The following DSCAML1 variants were observed in gnomAD, a reference collection of about 807,000 sequenced individuals.
DSCAML1 encodes DS cell adhesion molecule like 1.
A neutral mutation model predicts 200.5 loss-of-function variants in DSCAML1; 38 were observed. The ratio of observed to expected loss-of-function variants is 0.19; its 90% CI spans 0.15 to 0.25. The LOEUF is 0.25. Among genes scored for constraint, DSCAML1 ranks in the 10% least tolerant of loss-of-function variants. DSCAML1 has a pLI of 1.00. For missense variants in DSCAML1, 2,223 were observed against 2,858.8 expected, an observed-to-expected ratio of 0.78 and a Z score of 5.07; for synonymous variants, 1,215 against 1,165.0, an observed-to-expected ratio of 1.04 and a Z score of -0.87.
intron 3 of DSCAML1, among the ~76,000 whole-genome samples, chr11:117,563,454 A>G (rs1198028918): frequency 6.6e-6 from 1 of 152,146 alleles, no homozygotes; most frequent in East Asian, 1.9e-4. Context: ...CTGCATTTTT[A>G]AAAAGCTGAC....
Position 117,650,700 on chromosome 11 carries a change from T to TGTGTGTGTGTGCGC in DSCAML1, c.512-118179_512-118178insGCGCACACACACAC, listed in dbSNP as rs147584706. On this transcript the variant is annotated intron_variant, in intron 3 of 32. Coordinates refer to ENST00000651296, the MANE Select transcript of DSCAML1 (RefSeq NM_020693.4). ...GTGTGTGTGTGTGTGTGTGTGTGTG[T>TGTGTGTGTGTGCGC]GCGTGTGTGTGTGTGGTGGGGATTG... Among the ~76,000 whole-genome samples, 1,227 of 147,420 alleles carry TGTGTGTGTGTGCGC rather than the reference T, an allele frequency of 8.3e-3. 11 individuals carry two copies. Among genetic ancestry groups the TGTGTGTGTGTGCGC allele is most frequent in the Non-Finnish European group, 0.012 (822 of 67,136 alleles).
chr11:117,778,776 C>T (rs1421877081), intron 2 of DSCAML1, among the ~76,000 whole-genome samples: 1 of 152,212 alleles, frequency 6.6e-6, no homozygotes, highest in Non-Finnish European at 1.5e-5. Context: ...ATCCTCCACG[C>T]TGTGGAGGCC....
At chr11:117,477,349 AGTGTGTGT>A (rs5795087) in intron 14 of DSCAML1, among the ~76,000 whole-genome samples, 18,964 of 140,102 alleles carry the variant, frequency 0.14, 1,275 homozygotes, top group South Asian at 0.22. Context: ...TGGTTCTGAA[AGTGTGTGT>A]GTGTGTGTGT....
At position 117,762,942 on chromosome 11, in the gene DSCAML1, A is replaced by G. The variant is rs538526195; in HGVS notation, c.511+13849T>C. On this transcript the variant is annotated intron_variant, in intron 3 of 32. Transcript: ENST00000651296. ...ACTGTGCTGTAAACAGAAAAGCACA[A>G]TACAAATTTGACTATTATTTTATAA... 3.3e-5 allele frequency among the ~76,000 whole-genome samples: 5 copies of G among 152,034 alleles called. No homozygotes were observed. In the East Asian group the frequency reaches 7.7e-4, roughly 23 times the overall value.
chr11:117,637,076 C>T (rs1239420286), intron 3 of DSCAML1, among the ~76,000 whole-genome samples: 2 of 152,056 alleles, frequency 1.3e-5, no homozygotes, highest in Non-Finnish European at 2.9e-5. Flanking sequence ...AGCAGGAGCC[C>T]CCTTTCCAGC....
chr11:117,435,282 G>A (rs1258724100), intron 27 of DSCAML1, among the ~76,000 whole-genome samples: 1 of 152,236 alleles, frequency 6.6e-6, no homozygotes, highest in Non-Finnish European at 1.5e-5. Flanking sequence ...TGGGTCCTAG[G>A]AAAGTTGCAG....
chr11:117,740,296 C>G (rs558336981), intron 3 of DSCAML1, among the ~76,000 whole-genome samples: 1 of 152,216 alleles, frequency 6.6e-6, no homozygotes, highest in Non-Finnish European at 1.5e-5. Flanking sequence ...ACAGGTTATG[C>G]AGCTGGTAAT....
intron 3 of DSCAML1, among the ~76,000 whole-genome samples, chr11:117,539,606 CAAAAAAAAAAA>C (rs35130897): frequency 5.7e-5 from 3 of 52,606 alleles, no homozygotes; most frequent in South Asian, 6.5e-4. Flanking sequence ...AAAACTCTGT[CAAAAAAAAAAA>C]AAAAAAAAAA....
intron 3 of DSCAML1, among the ~76,000 whole-genome samples, chr11:117,730,637 AAC>A (rs995248883): frequency 6.6e-6 from 1 of 152,180 alleles, no homozygotes; most frequent in Non-Finnish European, 1.5e-5. Context: ...CACTTTGGAA[AAC>A]AGTCTGCTAG....
chr11:117,645,614 A>G (rs1030005613), intron 3 of DSCAML1, among the ~76,000 whole-genome samples: 1 of 152,006 alleles, frequency 6.6e-6, no homozygotes, highest in African/African-American at 2.4e-5. Context: ...CATGGATGAA[A>G]TTGGAAATCA....
At chr11:117,714,418 T>G (rs970625883) in intron 3 of DSCAML1, among the ~76,000 whole-genome samples, 1 of 152,176 alleles carries the variant, frequency 6.6e-6, no homozygotes, top group African/African-American at 2.4e-5. Flanking sequence ...TCAGAAATGA[T>G]TTAAAGCAGC....
chr11:117,742,535 A>T (rs1351940381), intron 3 of DSCAML1, among the ~76,000 whole-genome samples: 1 of 152,132 alleles, frequency 6.6e-6, no homozygotes, highest in Non-Finnish European at 1.5e-5. Context: ...CTGAGCTTGG[A>T]GGAGGTGGAG....
In DSCAML1 at chr11:117,780,296, GAA is replaced by G. The variant is rs1377430258; in HGVS notation, c.364+195_364+196del. Among the ~76,000 whole-genome samples, 532 of 106,944 alleles carry G rather than the reference GAA, an allele frequency of 5.0e-3. 7 individuals carry two copies. Among genetic ancestry groups the G allele is most frequent in the Middle Eastern group, 0.02 (4 of 200 alleles). 70.2% of individuals were successfully genotyped at this position (106,944 alleles called of 152,430 possible). ...AGAAAGAAAGAAAGAAAGAAAGAAA[GAA>G]AGAAAGAGAGAAAGGAGAAAGAAAG... On this transcript the variant is annotated intron_variant, in intron 2 of 32. Coordinates refer to ENST00000651296, the MANE Select transcript of DSCAML1 (RefSeq NM_020693.4). The surrounding 1 kb of genome is among the most constrained non-coding windows in gnomAD (Gnocchi z 4.8).
intron 3 of DSCAML1, among the ~76,000 whole-genome samples, chr11:117,643,685 G>C (rs540655261): frequency 1.1e-4 from 16 of 152,192 alleles, no homozygotes; most frequent in African/African-American, 3.4e-4. Context: ...TCCTGCAGGG[G>C]AGGAGTGGGG....
chr11:117,739,373 G>A (rs895836807), intron 3 of DSCAML1, among the ~76,000 whole-genome samples: 5 of 152,152 alleles, frequency 3.3e-5, no homozygotes, highest in African/African-American at 9.7e-5. Context: ...CTCTGGGGTT[G>A]GGGCCCTGCA....
At chr11:117,652,600 A>T (rs2052657448) in intron 3 of DSCAML1, among the ~76,000 whole-genome samples, 1 of 152,198 alleles carries the variant, frequency 6.6e-6, no homozygotes, top group African/African-American at 2.4e-5. Context: ...GGTAGAGGAG[A>T]GATGGTGATC....
At chr11:117,579,034 C>T (rs1475323886) in intron 3 of DSCAML1, among the ~76,000 whole-genome samples, 1 of 152,204 alleles carries the variant, frequency 6.6e-6, no homozygotes, top group Non-Finnish European at 1.5e-5. Flanking sequence ...TCTGCCTTCA[C>T]CCAATTATCA....
intron 3 of DSCAML1, among the ~76,000 whole-genome samples, chr11:117,644,741 C>T (rs574172729): frequency 8.8e-4 from 134 of 152,340 alleles, no homozygotes; most frequent in Non-Finnish European, 1.6e-3. Context: ...TGTTCCTCTG[C>T]ACCAGGTGGA....
chr11:117,486,487 G>A (rs1318465713), intron 11 of DSCAML1, among the ~76,000 whole-genome samples: 2 of 131,988 alleles, frequency 1.5e-5, no homozygotes, highest in African/African-American at 5.7e-5. Context: ...ATGTGAAAAT[G>A]GTGGATGTGA....
Sources: allele counts gnomAD v4.1 joint callset (sites outside exome capture counted in the v4.1 genomes callset), GRCh38; gene constraint gnomAD v4.1.1; non-coding constraint Gnocchi (gnomAD v3.1); transcripts MANE v1.5; gene names NCBI Gene and HGNC (gene_info 2026-07-23, HGNC 2026-07-21).